Variants in GRSF1 observed in about 807,000 individuals in gnomAD.
GRSF1 encodes G-rich sequence factor 1.
GRSF1 carries 50 observed loss-of-function variants against 51.1 expected under a neutral mutation model. The ratio of observed to expected loss-of-function variants is 0.98; its 90% CI spans 0.78 to 1.24. The LOEUF (loss-of-function observed/expected upper bound fraction) is 1.24, where lower values mean the gene tolerates loss of function less well. Among genes scored for constraint, GRSF1 ranks in the 50% most tolerant of loss-of-function variants. The pLI is 0.00. For missense variants in GRSF1, 700 were observed against 639.7 expected (o/e 1.09, Z -1.02); for synonymous variants, 293 against 253.3 (o/e 1.16, Z -1.49).
rs1159894105 is a variant in GRSF1 at position 70,820,305 on chromosome 4, TGTG to T, written c.*579_*581del. Reference sequence around the variant, plus strand: ...CGCCAAATTGTCATTTACACTAAGCTGTGGTATTTTTTGTTTTGATTTTTAAAA... The same window carrying T: ...CGCCAAATTGTCATTTACACTAAGCTGTATTTTTTGTTTTGATTTTTAAAA... On this transcript the variant is annotated 3_prime_UTR_variant, in exon 10 of 10. Coordinates refer to ENST00000254799, the MANE Select transcript of GRSF1 (RefSeq NM_002092.4). 3 of 152,608 alleles carry T rather than the reference TGTG, an allele frequency of 2.0e-5. No individual in the cohort carries two copies. The highest frequency in any genetic ancestry group is 7.2e-5 in the African/African-American group (3 of 41,456). 9.5% of individuals were successfully genotyped at this position (152,608 alleles called of 1,614,324 possible).
chr4:70,823,339 G>T (rs892982245), intron 9 of GRSF1, among the ~76,000 whole-genome samples: 6 of 152,094 alleles, frequency 3.9e-5, no homozygotes, highest in Non-Finnish European at 7.4e-5. Flanking sequence ...GGAAGTTGCA[G>T]TGAGTGGAGA....
In GRSF1 at chr4:70,839,757, C is replaced by T. The variant is rs1384755319; in HGVS notation, c.71G>A (p.Arg24His). 3.3e-6 allele frequency: 5 copies of T among 1,503,832 alleles called. No homozygotes were observed. The South Asian group carries it at 4.9e-5, about 15-fold the overall frequency. 93.2% of individuals were successfully genotyped at this position (1,503,832 alleles called of 1,614,324 possible). A position where few individuals can be genotyped will look rare whatever the true frequency, so the allele number is the denominator to read the frequency against. ...GAAGGGCAGGCAGGCGGCGCCGGTG[C>T]GCCGGCAGCTGCTGCAGTTACAGCC... ...GCGCNCSSCR[R>H]TGAACLPFYS... The change falls in exon 1 of 10, where the codon CGC becomes CAC. Residue 24 changes from arginine to histidine, a missense_variant. Transcript: ENST00000254799.
intron 9 of GRSF1, 87 bp downstream of exon 9, chr4:70,824,207 T>C (rs1733641599): frequency 1.7e-6 from 1 of 587,538 alleles, no homozygotes; most frequent in South Asian, 1.7e-5. Context: ...TGACCTCAGG[T>C]GGTCCGCCCA....
Position 70,825,401 on chromosome 4 carries a change from T to C in GRSF1, c.1288A>G (p.Thr430Ala), listed in dbSNP as rs1246749070. 2 of 1,611,372 alleles carry C rather than the reference T, an allele frequency of 1.2e-6. No homozygotes were observed. Among genetic ancestry groups the C allele is most frequent in the Middle Eastern group, 1.6e-4 (1 of 6,076 alleles). The stretch of plus-strand genomic sequence containing the variant: ...TTCCCACTGGAGCTGTATTCCATGG[T>C]GATTCTAACAGGCTTGAGTGGAGCA... ...FFAPLKPVRI[T>A]MEYSSSGKAT... Residue 430 changes from threonine to alanine, a missense_variant, in exon 8 of 10, where the codon ACC (threonine) becomes GCC (alanine). Transcript: ENST00000254799.
At chr4:70,823,799 G>C (rs1018223978) in intron 9 of GRSF1, among the ~76,000 whole-genome samples, 1 of 151,998 alleles carries the variant, frequency 6.6e-6, no homozygotes, top group African/African-American at 2.4e-5. Flanking sequence ...GAGCCCAGAA[G>C]GTTGAAGCTG....
At chr4:70,831,699 C>T in intron 4 of GRSF1, 25 bp from the exon 5 acceptor site, 1 of 1,586,164 alleles carries the variant, frequency 6.3e-7, no homozygotes, top group Non-Finnish European at 8.6e-7. Flanking sequence ...GATTTTAATG[C>T]TACTAGCAGG....
rs1733408133 is a variant in GRSF1 at position 70,818,905 on chromosome 4, T to C, written c.*1982A>G. 1.3e-5 allele frequency: 2 copies of C among 152,192 alleles called. No individual in the cohort carries two copies. Among genetic ancestry groups the C allele is most frequent in the African/African-American group, 4.8e-5 (2 of 41,454 alleles). The allele number at this position is 152,192 out of a possible 1,614,324, so 9.4% of individuals were successfully genotyped here. On this transcript the variant is annotated 3_prime_UTR_variant, in exon 10 of 10. Coordinates refer to ENST00000254799, the MANE Select transcript of GRSF1 (RefSeq NM_002092.4). Reference sequence around the variant, plus strand: ...GAGACGGTACCGTCTTCCACTTGCATGGAAATAAGATTACTTTTACTGTAT... The same window carrying C: ...GAGACGGTACCGTCTTCCACTTGCACGGAAATAAGATTACTTTTACTGTAT...
chr4:70,839,561 C>T lies in GRSF1; in HGVS notation c.267G>A (p.Ala89=). ...GGAGGGCAGAGTAGGACGCGGCGGC[C>T]GCGGCCGCGGCAGAGGTGGCCACAG... ...PPAVATSAAA[A]AAASYSALRA... is the part of the protein sequence containing the mutation. The change falls in exon 1 of 10, where the codon GCG becomes GCA. Residue 89 remains alanine, a synonymous_variant. Transcript: ENST00000254799. 2.1e-6 allele frequency: 3 copies of T among 1,421,994 alleles called. No homozygotes were observed. The highest frequency in any genetic ancestry group is 2.8e-6 in the Non-Finnish European group (3 of 1,090,308). The allele number at this position is 1,421,994 out of a possible 1,614,324, so 88.1% of individuals were successfully genotyped here.
chr4:70,817,050 A>G lies in GRSF1; in HGVS notation c.*3837T>C, dbSNP rs145713126. On this transcript the variant is annotated 3_prime_UTR_variant, in exon 10 of 10. Transcript: ENST00000254799. ...ACTAACACTTGCTTATAAATAAAGT[A>G]AAAGTCACTGCAAGCTTACACTAGA... 2.6e-5 allele frequency: 4 copies of G among 152,358 alleles called. No homozygotes were observed. The highest frequency in any genetic ancestry group is 9.6e-5 in the African/African-American group (4 of 41,586). 9.4% of individuals were successfully genotyped at this position (152,358 alleles called of 1,614,324 possible).
In GRSF1 at chr4:70,836,317, T is replaced by C; in HGVS notation, c.358-3A>G. 1 of 1,553,936 alleles carries C rather than the reference T, an allele frequency of 6.4e-7. No individual in the cohort carries two copies. Among genetic ancestry groups the C allele is most frequent in the Non-Finnish European group, 8.7e-7 (1 of 1,155,462 alleles). On this transcript the variant is annotated splice_polypyrimidine_tract_variant and splice_region_variant and intron_variant, in intron 1 of 9. Transcript: ENST00000254799. The stretch of plus-strand genomic sequence containing the variant: ...TCCAGGTAAGTAGTTTTGGACTCCT[T>C]CCAAAGGAAATGAAGAATTGTAAAA...
intron 3 of GRSF1, 103 bp from the exon 4 acceptor site, chr4:70,832,553 A>G: frequency 3.1e-6 from 2 of 655,414 alleles, no homozygotes; most frequent in Non-Finnish European, 5.3e-6. Context: ...AGAATTCAAT[A>G]ACTATTTTAA....
rs138588510 is a variant in GRSF1 at position 70,830,257 on chromosome 4, C to T, written c.950+1282G>A. ...GCCAGGGCAACACAGCAAGACCCCA[C>T]CTACAAACACACACGCACGCACGCA... On this transcript the variant is annotated intron_variant, in intron 5 of 9. Coordinates refer to ENST00000254799, the MANE Select transcript of GRSF1 (RefSeq NM_002092.4). Among the ~76,000 whole-genome samples the T allele has an allele frequency of 7.2e-5, 11 of 152,116 alleles. No homozygotes were observed. In the East Asian group the frequency reaches 1.2e-3, roughly 16 times the overall value.
At chr4:70,825,222 C>A in intron 8 of GRSF1, 74 bp downstream of exon 8, 1 of 1,271,086 alleles carries the variant, frequency 7.9e-7, no homozygotes, top group South Asian at 1.6e-5. Context: ...TTCTACAATC[C>A]CAAAACAGAA....
At chr4:70,842,626 T>G (rs1241654264), upstream of GRSF1, among the ~76,000 whole-genome samples, 1 of 152,136 alleles carries the variant, frequency 6.6e-6, no homozygotes, top group Non-Finnish European at 1.5e-5. Context: ...TAAGCCTCCC[T>G]TTCAAGAAGG....
At position 70,819,309 on chromosome 4, in the gene GRSF1, T is replaced by C. The variant is rs1733420600; in HGVS notation, c.*1578A>G. On this transcript the variant is annotated 3_prime_UTR_variant, in exon 10 of 10. Coordinates refer to ENST00000254799, the MANE Select transcript of GRSF1 (RefSeq NM_002092.4). ...TTCTAATAGTTCGTACAACTACAGA[T>C]ACCAGTTCTCATAGCTTGGCATATT... is the stretch of plus-strand genomic sequence containing the variant. The C allele has an allele frequency of 6.6e-6, 1 of 152,204 alleles. No individual in the cohort carries two copies. The highest frequency in any genetic ancestry group is 2.4e-5 in the African/African-American group (1 of 41,460). The allele number at this position is 152,204 out of a possible 1,614,324, so 9.4% of individuals were successfully genotyped here.
At chr4:70,833,870 G>A (rs1251250104) in intron 2 of GRSF1, among the ~76,000 whole-genome samples, 1 of 152,024 alleles carries the variant, frequency 6.6e-6, no homozygotes, top group African/African-American at 2.4e-5. Context: ...AGTCCAAGAT[G>A]TAAGTGGCCA....
At chr4:70,826,393 A>G in intron 6 of GRSF1, 148 bp from the exon 7 acceptor site, 2 of 627,870 alleles carry the variant, frequency 3.2e-6, no homozygotes, top group Middle Eastern at 3.4e-4. Context: ...CTGCCACTCA[A>G]CAAATATCAC....
intron 9 of GRSF1, among the ~76,000 whole-genome samples, chr4:70,824,002 G>A (rs112693550): frequency 0.063 from 4,064 of 64,774 alleles, 155 homozygotes; most frequent in East Asian, 0.3. Context: ...TTTGAGTCTC[G>A]CTCTGTTGCC....
In GRSF1 at chr4:70,839,747, GGCGCCGGT is replaced by G; in HGVS notation, c.73_80del (p.Thr25ArgfsTer107). 6.7e-7 allele frequency: 1 copy of G among 1,503,008 alleles called. No individual in the cohort carries two copies. The highest frequency in any genetic ancestry group is 8.8e-7 in the Non-Finnish European group (1 of 1,133,460). 93.1% of individuals were successfully genotyped at this position (1,503,008 alleles called of 1,614,324 possible). A position where few individuals can be genotyped will look rare whatever the true frequency, so the allele number is the denominator to read the frequency against. ...CGGCGGAGTAGAAGGGCAGGCAGGC[GGCGCCGGT>G]GCGCCGGCAGCTGCTGCAGTTACAG... On this transcript the variant is annotated frameshift_variant, in exon 1 of 10. Coordinates refer to ENST00000254799, the MANE Select transcript of GRSF1 (RefSeq NM_002092.4). LOFTEE classifies it high-confidence loss of function.
Sources: allele counts gnomAD v4.1 joint callset (sites outside exome capture counted in the v4.1 genomes callset), GRCh38; gene constraint gnomAD v4.1.1; transcripts MANE v1.5; gene names NCBI Gene and HGNC (gene_info 2026-07-23, HGNC 2026-07-21).